Variants in ZFHX4 observed in about 807,000 individuals in gnomAD.
ZFHX4 encodes the protein zinc finger homeobox 4.
In ZFHX4, 56 loss-of-function variants were observed where a neutral mutation model predicts 267.6. The observed-to-expected ratio is 0.21, with a 90% confidence interval of 0.17 to 0.26. The LOEUF is 0.26. Among genes scored for constraint, ZFHX4 ranks in the 10% least tolerant of loss-of-function variants. ZFHX4 has a pLI of 1.00. For synonymous variants in ZFHX4, 1,778 were observed against 1,665.6 expected, an observed-to-expected ratio of 1.07 and a Z score of -1.64; for missense variants, 4,332 against 4,420.0, an observed-to-expected ratio of 0.98 and a Z score of 0.56.
intron 3 of ZFHX4, among the ~76,000 whole-genome samples, chr8:76,718,282 GA>G (rs1240266897): frequency 6.6e-6 from 1 of 152,142 alleles, no homozygotes; most frequent in Non-Finnish European, 1.5e-5. Context: ...TTTATTTAAT[GA>G]ATTTACAACA....
chr8:76,847,212 A>T (rs1812385982), intron 6 of ZFHX4, among the ~76,000 whole-genome samples: 1 of 152,154 alleles, frequency 6.6e-6, no homozygotes, highest in Non-Finnish European at 1.5e-5. Flanking sequence ...CAATATTCCA[A>T]AGTATATTCA....
chr8:76,753,515 C>T (rs949065308), intron 3 of ZFHX4, among the ~76,000 whole-genome samples: 3 of 151,968 alleles, frequency 2.0e-5, no homozygotes, highest in Admixed American at 2.0e-4. Flanking sequence ...TTGTCTTTTG[C>T]TACATCTCTC....
rs1811987809 is a variant in ZFHX4, at chr8:76,833,380, C to G, written c.3368C>G (p.Thr1123Arg). 1.2e-6 allele frequency: 2 copies of G among 1,610,128 alleles called. No homozygotes were observed. The highest frequency in any genetic ancestry group is 1.1e-5 in the South Asian group (1 of 90,176). ...GCCAGGACTTGTGATGATGATCTTA[C>G]AGAGCAGCAGTTGAGATCGACCTCA... ...LGARTCDDDL[T>R]EQQLRSTSEE... is the part of the protein sequence containing the mutation. Residue 1123 changes from threonine to arginine, a missense_variant, in exon 5 of 11, where the codon ACA (threonine) becomes AGA (arginine). Physicochemically the swap from Thr to Arg is moderately conservative, Grantham distance 71 (BLOSUM62 -1). Transcript: ENST00000651372.
intron 3 of ZFHX4, among the ~76,000 whole-genome samples, chr8:76,731,712 T>G (rs1303233652): frequency 6.6e-6 from 1 of 151,996 alleles, no homozygotes; most frequent in Non-Finnish European, 1.5e-5. Context: ...ATTCTATCAA[T>G]ATATAACAAA....
At chr8:76,786,251 C>G (rs1336808085) in intron 4 of ZFHX4, among the ~76,000 whole-genome samples, 1 of 151,830 alleles carries the variant, frequency 6.6e-6, no homozygotes, top group African/African-American at 2.4e-5. Context: ...CCATGATAAT[C>G]CCCTGCTATT....
rs563711362 is a variant in ZFHX4, at chr8:76,746,280, G to A, written c.3094-31928G>A. ...AAATTAGCTGGGTATGGTTGTGCAC[G>A]CCTAGTCCCAGCTACTTGGGAGGCT... On this transcript the variant is annotated intron_variant, in intron 3 of 10. Transcript: ENST00000651372. 5.9e-5 allele frequency among the ~76,000 whole-genome samples: 9 copies of A among 152,210 alleles called. No individual in the cohort carries two copies. The East Asian group carries it at 9.7e-4, about 16-fold the overall frequency.
At position 76,709,802 on chromosome 8, in the gene ZFHX4, C is replaced by CGTGT. The variant is rs34448728; in HGVS notation, c.3093+1781_3093+1784dup. 7.8e-3 allele frequency among the ~76,000 whole-genome samples: 1,093 copies of CGTGT among 140,164 alleles called. 19 individuals are homozygous for CGTGT. Among genetic ancestry groups the CGTGT allele is most frequent in the African/African-American group, 0.024 (893 of 36,674 alleles). The allele number at this position is 140,164 out of a possible 152,430, so 92.0% of individuals were successfully genotyped here. A position where few individuals can be genotyped will look rare whatever the true frequency, so the allele number is the denominator to read the frequency against. On this transcript the variant is annotated intron_variant, in intron 3 of 10. Transcript: ENST00000651372. ...GTGTGCGTGTGTGTGCGTGTGTGTG[C>CGTGT]GTGTGTGTGTGTGTGTGTGTGTGTG...
Position 76,744,337 on chromosome 8 carries a change from C to G in ZFHX4, c.3094-33871C>G, listed in dbSNP as rs150954362. Among the ~76,000 whole-genome samples the G allele has an allele frequency of 2.2e-3, 334 of 152,166 alleles. 8 individuals carry two copies. The East Asian group carries it at 0.058, about 26-fold the overall frequency. On this transcript the variant is annotated intron_variant, in intron 3 of 10. Coordinates refer to ENST00000651372, the MANE Select transcript of ZFHX4 (RefSeq NM_024721.5). Reference sequence around the variant, plus strand: ...CTTTAGCCTGGGCGACAGAGCGAGACTCCACCTAAAAAATAAATAAATAAA... The same window carrying G: ...CTTTAGCCTGGGCGACAGAGCGAGAGTCCACCTAAAAAATAAATAAATAAA...
intron 4 of ZFHX4, among the ~76,000 whole-genome samples, chr8:76,789,038 A>G (rs1389795103): frequency 6.6e-6 from 1 of 152,208 alleles, no homozygotes; most frequent in East Asian, 1.9e-4. Context: ...TTGTCATTAT[A>G]TGGTAGACAA....
At chr8:76,790,416 T>C (rs1435619786) in intron 4 of ZFHX4, among the ~76,000 whole-genome samples, 1 of 152,144 alleles carries the variant, frequency 6.6e-6, no homozygotes, top group Non-Finnish European at 1.5e-5. Flanking sequence ...ATGCTTGTTA[T>C]AAAGCATCAC....
intron 3 of ZFHX4, among the ~76,000 whole-genome samples, chr8:76,720,964 G>T (rs1808704675): frequency 6.6e-6 from 1 of 152,230 alleles, no homozygotes; most frequent in Non-Finnish European, 1.5e-5. Flanking sequence ...CACCCACGTT[G>T]TTAAATAGAA....
chr8:76,813,062 C>G (rs1214159699), intron 4 of ZFHX4, among the ~76,000 whole-genome samples: 1 of 152,034 alleles, frequency 6.6e-6, no homozygotes. Context: ...TTTAATGCTA[C>G]TAATATCATA....
At chr8:76,798,112 G>A (rs1463042564) in intron 4 of ZFHX4, among the ~76,000 whole-genome samples, 1 of 152,038 alleles carries the variant, frequency 6.6e-6, no homozygotes, top group Non-Finnish European at 1.5e-5. Context: ...GATTACATTA[G>A]GAATTCAATA....
chr8:76,703,241 A>G (rs1242796482), intron 1 of ZFHX4, among the ~76,000 whole-genome samples: 5 of 152,230 alleles, frequency 3.3e-5, no homozygotes, highest in African/African-American at 9.6e-5. Context: ...GCAACTCACC[A>G]GGATTGGTAA....
intron 5 of ZFHX4, among the ~76,000 whole-genome samples, chr8:76,838,523 A>C (rs1812149727): frequency 6.6e-6 from 1 of 152,170 alleles, no homozygotes; most frequent in South Asian, 2.1e-4. Context: ...GTAGATCATT[A>C]GGAGGATAGA....
Position 76,853,875 on chromosome 8 carries a change from T to C in ZFHX4, c.6954T>C (p.Asn2318=), listed in dbSNP as rs746304588. 5.0e-6 allele frequency: 8 copies of C among 1,613,744 alleles called. No individual in the cohort carries two copies. The highest frequency in any genetic ancestry group is 6.8e-6 in the Non-Finnish European group (8 of 1,179,862). Residue 2318 remains asparagine (N), a synonymous_variant, in exon 10 of 11, where the codon AAT becomes AAC. Transcript: ENST00000651372. ...TGCAGTACCAGTGTAAAAAGTGCAA[T>C]GTGGTTTTCCCCAGGATCTTTGACT... is the stretch of plus-strand genomic sequence containing the variant. ...SNMQYQCKKC[N]VVFPRIFDLI...
intron 3 of ZFHX4, among the ~76,000 whole-genome samples, chr8:76,722,812 C>T (rs1205384499): frequency 2.0e-5 from 3 of 151,938 alleles, no homozygotes; most frequent in Non-Finnish European, 4.4e-5. Context: ...GCGTTTTGTA[C>T]TTGGAGATAA....
chr8:76,725,567 A>C (rs756447939), intron 3 of ZFHX4, among the ~76,000 whole-genome samples: 16 of 152,150 alleles, frequency 1.1e-4, no homozygotes, highest in African/African-American at 3.9e-4. Flanking sequence ...AAAAAAATCA[A>C]ACCAATTATT....
chr8:76,767,386 G>A (rs1279509388), intron 3 of ZFHX4, among the ~76,000 whole-genome samples: 1 of 152,078 alleles, frequency 6.6e-6, no homozygotes, highest in African/African-American at 2.4e-5. Context: ...GTTTTGCTCA[G>A]TTTTGCCCTA....
Sources: gnomAD v4.1 joint callset for allele counts (sites outside exome capture counted in the v4.1 genomes callset) on GRCh38, gnomAD v4.1.1 for gene constraint, MANE v1.5 for transcripts, NCBI Gene and HGNC (gene_info 2026-07-23, HGNC 2026-07-21) for gene names.